Variants in LIN28B observed in about 807,000 individuals in gnomAD.
The protein encoded by LIN28B is lin-28 RNA binding posttranscriptional regulator B, also known as protein lin-28 homolog B.
In LIN28B, 5 loss-of-function variants were observed where a neutral mutation model predicts 21.9. That is an observed-to-expected ratio of 0.23 (90% CI 0.12 to 0.48). The LOEUF is 0.48. LIN28B is among the 20% of genes least tolerant of loss of function. The pLI is 0.98. For missense variants in LIN28B, 245 were observed against 310.5 expected, an observed-to-expected ratio of 0.79 and a Z score of 1.58; for synonymous variants, 109 against 111.3, an observed-to-expected ratio of 0.98 and a Z score of 0.13.
chr6:104,938,050 C>CAAAAAAAAAA (rs10562331), intron 2 of LIN28B, among the ~76,000 whole-genome samples: 33 of 73,704 alleles, frequency 4.5e-4, no homozygotes, highest in African/African-American at 2.0e-3. Flanking sequence ...CCTGTCTCTA[C>CAAAAAAAAAA]AAAAAAAAAA....
At chr6:105,041,187 C>T (rs1379892639) in intron 3 of LIN28B, among the ~76,000 whole-genome samples, 4 of 152,160 alleles carry the variant, frequency 2.6e-5, no homozygotes. Context: ...GCTGGGATTA[C>T]AGGTGTGAGC....
At chr6:105,050,794 T>C (rs964365541) in intron 3 of LIN28B, among the ~76,000 whole-genome samples, 2 of 150,928 alleles carry the variant, frequency 1.3e-5, no homozygotes, top group African/African-American at 2.5e-5. Flanking sequence ...TTTCTTAAAA[T>C]TTTTTTTTCT....
At position 105,014,789 on chromosome 6, in the gene LIN28B, A is replaced by T. The variant is rs547985274; in HGVS notation, c.199-11509A>T. Among the ~76,000 whole-genome samples, 6 of 152,104 alleles carry T rather than the reference A, an allele frequency of 3.9e-5. No homozygotes were observed. In the South Asian group the frequency reaches 1.2e-3, roughly 32 times the overall value. The stretch of plus-strand genomic sequence containing the variant: ...AGATAAATAAATAAATAAATAAAGT[A>T]CTTAAATCTAAATTTTCCTTCATAA... On this transcript the variant is annotated intron_variant, in intron 2 of 3. Coordinates refer to ENST00000345080, the MANE Select transcript of LIN28B (RefSeq NM_001004317.4).
chr6:104,987,580 C>T (rs555358462), intron 2 of LIN28B, among the ~76,000 whole-genome samples: 1 of 152,154 alleles, frequency 6.6e-6, no homozygotes, highest in Non-Finnish European at 1.5e-5. Context: ...CCTGCCTTGG[C>T]CTCTCAAAGT....
intron 2 of LIN28B, among the ~76,000 whole-genome samples, chr6:105,021,176 G>T (rs778952138): frequency 6.6e-6 from 1 of 151,900 alleles, no homozygotes; most frequent in South Asian, 2.1e-4. Context: ...CCTGCAGTCC[G>T]TTAATGTTGC....
chr6:105,045,291 T>G (rs1354481382), intron 3 of LIN28B, among the ~76,000 whole-genome samples: 3 of 146,984 alleles, frequency 2.0e-5, no homozygotes, highest in South Asian at 2.2e-4. Flanking sequence ...TCTGTTTTTT[T>G]TTTTTTTTTT....
intron 2 of LIN28B, among the ~76,000 whole-genome samples, chr6:104,980,833 T>G (rs968455381): frequency 6.6e-6 from 1 of 152,156 alleles, no homozygotes. Context: ...ACTCATTTTA[T>G]CAGCAGAGCC....
intron 2 of LIN28B, among the ~76,000 whole-genome samples, chr6:105,025,857 A>G (rs979068502): frequency 1.3e-5 from 2 of 152,214 alleles, no homozygotes; most frequent in Admixed American, 1.3e-4. Context: ...CTACATTAGA[A>G]CATGTAGAAC....
At chr6:104,987,931 A>G (rs1418487988) in intron 2 of LIN28B, among the ~76,000 whole-genome samples, 1 of 152,128 alleles carries the variant, frequency 6.6e-6, no homozygotes, top group Non-Finnish European at 1.5e-5. Flanking sequence ...TTTAGTAGAG[A>G]TGGGGTTTCA....
chr6:104,965,898 A>C (rs977644359), intron 2 of LIN28B, among the ~76,000 whole-genome samples: 2 of 152,180 alleles, frequency 1.3e-5, no homozygotes, highest in Non-Finnish European at 2.9e-5. Flanking sequence ...TTTTTGGTTA[A>C]TAATTATTTA....
intron 2 of LIN28B, among the ~76,000 whole-genome samples, chr6:104,969,847 A>C (rs535726407): frequency 2.4e-4 from 36 of 152,362 alleles, no homozygotes; most frequent in Admixed American, 8.5e-4. Context: ...AATTAATAAC[A>C]GCACAAGTTT....
Position 105,021,646 on chromosome 6 carries a change from T to A in LIN28B, c.199-4652T>A, listed in dbSNP as rs144913063. On this transcript the variant is annotated intron_variant, in intron 2 of 3. Transcript: ENST00000345080. ...CCTGTTGGCCATTTGTATGTCTTAT[T>A]TGCAAAATGTCTATTCATGTTCTTT... Among the ~76,000 whole-genome samples the A allele has an allele frequency of 3.9e-3, 597 of 152,328 alleles. 4 individuals carry two copies. Among genetic ancestry groups the A allele is most frequent in the African/African-American group, 0.013 (560 of 41,572 alleles).
intron 2 of LIN28B, among the ~76,000 whole-genome samples, chr6:104,992,960 A>G (rs1770526298): frequency 6.6e-6 from 1 of 152,108 alleles, no homozygotes; most frequent in African/African-American, 2.4e-5. Context: ...TACTCTCCCA[A>G]GAATCTCATG....
At chr6:104,956,232 G>A (rs1057003303), upstream of LIN28B, among the ~76,000 whole-genome samples, 8 of 150,852 alleles carry the variant, frequency 5.3e-5, no homozygotes, top group African/African-American at 2.0e-4. Flanking sequence ...CCTGCCTGGC[G>A]ATCCCCTCCC....
intron 3 of LIN28B, among the ~76,000 whole-genome samples, chr6:105,033,196 C>A (rs908766348): frequency 6.6e-6 from 1 of 151,982 alleles, no homozygotes; most frequent in Non-Finnish European, 1.5e-5. Context: ...AAAGAATATC[C>A]TTTTTCTTGA....
Position 105,028,827 on chromosome 6 carries a change from G to A in LIN28B, c.383+2345G>A, listed in dbSNP as rs114960965. Among the ~76,000 whole-genome samples the A allele has an allele frequency of 3.1e-3, 472 of 152,276 alleles. 6 individuals carry two copies. Among genetic ancestry groups the A allele is most frequent in the African/African-American group, 0.011 (451 of 41,562 alleles). ...GATGATATTTACAGCCACAAGAGGA[G>A]ATAAGATCACCATCACAGTGAGTAT... On this transcript the variant is annotated intron_variant, in intron 3 of 3. Transcript: ENST00000345080.
chr6:105,043,134 A>G (rs763999928), intron 3 of LIN28B, among the ~76,000 whole-genome samples: 61 of 152,268 alleles, frequency 4.0e-4, no homozygotes, highest in Non-Finnish European at 6.9e-4. Context: ...TAAATGAAGA[A>G]AACTGAAACT....
chr6:105,078,931 C>A lies in LIN28B; in HGVS notation c.*148C>A. 1.2e-6 allele frequency: 1 copy of A among 827,310 alleles called. No individual in the cohort carries two copies. Among genetic ancestry groups the A allele is most frequent in the Non-Finnish European group, 1.9e-6 (1 of 538,878 alleles). The allele number at this position is 827,310 out of a possible 1,614,324, so 51.2% of individuals were successfully genotyped here. On this transcript the variant is annotated 3_prime_UTR_variant, in exon 4 of 4. Transcript: ENST00000345080. ...GAATTTTTTAAACAGACAAATCACT[C>A]TAAGCAAATTACATTTGAGCAGGGT...
intron 2 of LIN28B, among the ~76,000 whole-genome samples, chr6:104,995,040 T>G (rs1770571199): frequency 6.6e-6 from 1 of 152,304 alleles, no homozygotes; most frequent in South Asian, 2.1e-4. Flanking sequence ...TTTTGGATTT[T>G]GGGGATTAGG....
Sources: gnomAD v4.1 joint callset for allele counts (sites outside exome capture counted in the v4.1 genomes callset) on GRCh38, gnomAD v4.1.1 for gene constraint, MANE v1.5 for transcripts, NCBI Gene and HGNC (gene_info 2026-07-23, HGNC 2026-07-21) for gene names.